Variants in FANK1 observed in about 807,000 individuals in gnomAD.
The protein encoded by FANK1 is fibronectin type III and ankyrin repeat domains 1.
In FANK1, 44 loss-of-function variants were observed where a neutral mutation model predicts 45.3. The ratio of observed to expected loss-of-function variants is 0.97; its 90% CI spans 0.76 to 1.25. FANK1 has a LOEUF of 1.25. Ranked by LOEUF, FANK1 falls within the 50% of genes most tolerant of loss-of-function variation. The pLI is 0.00. For missense variants in FANK1, 391 were observed against 424.4 expected, an observed-to-expected ratio of 0.92 and a Z score of 0.69; for synonymous variants, 149 against 152.5, an observed-to-expected ratio of 0.98 and a Z score of 0.17.
intron 1 of FANK1, among the ~76,000 whole-genome samples, chr10:125,954,253 G>T (rs1949434949): frequency 1.3e-5 from 2 of 152,152 alleles, no homozygotes; most frequent in African/African-American, 2.4e-5. Context: ...GGACCAGTGG[G>T]AAAGTTGTTT....
chr10:125,992,651 T>G (rs2134215379), intron 3 of FANK1, among the ~76,000 whole-genome samples: 1 of 152,254 alleles, frequency 6.6e-6, no homozygotes, highest in South Asian at 2.1e-4. Context: ...TGCAGTGAAC[T>G]TGTTTCATTT....
At chr10:125,990,027 T>C (rs1031355150) in intron 3 of FANK1, among the ~76,000 whole-genome samples, 2 of 152,302 alleles carry the variant, frequency 1.3e-5, no homozygotes, top group Middle Eastern at 3.4e-3. Context: ...ACTCACTTCA[T>C]TGCTGTGCTC....
At position 125,972,707 on chromosome 10, in the gene FANK1, AG is replaced by A. The variant is rs1950593509; in HGVS notation, c.14-7452del. 3.9e-5 allele frequency: 6 copies of A among 152,304 alleles called. No homozygotes were observed. The South Asian group carries it at 1.2e-3, about 32-fold the overall frequency. The allele number at this position is 152,304 out of a possible 1,614,324, so 9.4% of individuals were successfully genotyped here. On this transcript the variant is annotated intron_variant, in intron 1 of 10. Transcript: ENST00000368693. ...TTTTGTATGAAAGTAAAGAAGATGC[AG>A]GAACATTATCAGTGGGGCGTACACT...
chr10:125,979,768 A>G, intron 1 of FANK1: 2 of 457,960 alleles, frequency 4.4e-6, no homozygotes, highest in Middle Eastern at 3.2e-4. Context: ...TTTGTCATCT[A>G]TGTTCCACAT....
chr10:125,972,379 C>T (rs1034882700), intron 1 of FANK1: 2 of 151,936 alleles, frequency 1.3e-5, no homozygotes, highest in African/African-American at 4.8e-5. Flanking sequence ...AAACCAATAT[C>T]CTAAAATATG....
chr10:125,940,907 T>A (rs1234454229), intron 1 of FANK1, among the ~76,000 whole-genome samples: 2 of 152,244 alleles, frequency 1.3e-5, no homozygotes, highest in African/African-American at 4.8e-5. Flanking sequence ...CCCTTAAACC[T>A]TGATTCCACA....
rs138965130 is a variant in FANK1 at position 125,991,358 on chromosome 10, A to G, written c.316+2683A>G. Among the ~76,000 whole-genome samples the G allele has an allele frequency of 9.2e-3, 1,400 of 152,048 alleles. 20 individuals are homozygous for G. The highest frequency in any genetic ancestry group is 0.031 in the African/African-American group (1,301 of 41,450). On this transcript the variant is annotated intron_variant, in intron 3 of 10. Coordinates refer to ENST00000368693, the MANE Select transcript of FANK1 (RefSeq NM_145235.5). The stretch of plus-strand genomic sequence containing the variant: ...GCAGCCAGGAAGCCTTCTCAACCTC[A>G]GGGGGGCTGTACTGGGTGGTGAGGA...
intron 1 of FANK1, among the ~76,000 whole-genome samples, chr10:125,924,495 A>T (rs1489584145): frequency 1.3e-5 from 2 of 151,706 alleles, no homozygotes; most frequent in Non-Finnish European, 2.9e-5. Context: ...CTCGTGATCC[A>T]CCTGCCTCGG....
intron 1 of FANK1, among the ~76,000 whole-genome samples, chr10:125,975,536 CT>C (rs1204927672): frequency 6.6e-6 from 1 of 152,148 alleles, no homozygotes; most frequent in African/African-American, 2.4e-5. Context: ...GCCATTCTGA[CT>C]GGTGTGAGAT....
intron 1 of FANK1, among the ~76,000 whole-genome samples, chr10:125,947,508 A>G (rs1589986033): frequency 1.3e-5 from 2 of 150,310 alleles, no homozygotes; most frequent in African/African-American, 4.9e-5. Context: ...AGATCAAAAG[A>G]GACAAAGAAG....
At chr10:125,902,825 A>G (rs577636360) in intron 1 of FANK1, among the ~76,000 whole-genome samples, 120 of 152,414 alleles carry the variant, frequency 7.9e-4, no homozygotes, top group African/African-American at 2.7e-3. Context: ...CCTTAAGCCC[A>G]GGAATCATTT....
At chr10:125,987,118 G>A (rs1564947371) in intron 2 of FANK1, among the ~76,000 whole-genome samples, 1 of 152,018 alleles carries the variant, frequency 6.6e-6, no homozygotes, top group Non-Finnish European at 1.5e-5. Flanking sequence ...CTTCTTCACT[G>A]TCCTTGACTG....
chr10:125,991,681 T>A (rs1238080972), intron 3 of FANK1, among the ~76,000 whole-genome samples: 1 of 152,170 alleles, frequency 6.6e-6, no homozygotes, highest in Non-Finnish European at 1.5e-5. Context: ...CTTGCTTAAA[T>A]GAGGCTTACA....
At chr10:125,995,305 T>C (rs966818805) in intron 3 of FANK1, 112 bp from the exon 4 acceptor site, 4 of 901,034 alleles carry the variant, frequency 4.4e-6, no homozygotes, top group Middle Eastern at 2.6e-4. Context: ...TTAACAGGAA[T>C]AGCCAAGCGC....
In FANK1 at chr10:125,980,096, A is replaced by T. The variant is rs185934187; in HGVS notation, c.14-65A>T. The T allele has an allele frequency of 2.8e-4, 425 of 1,532,452 alleles. 5 individuals are homozygous for T. In the East Asian group the frequency reaches 8.6e-3, roughly 31 times the overall value. The allele number at this position is 1,532,452 out of a possible 1,614,324, so 94.9% of individuals were successfully genotyped here. On this transcript the variant is annotated intron_variant, in intron 1 of 10. Transcript: ENST00000368693. ...CTCGATCACCAAGCAGCTGTAATCC[A>T]CTCGACTGGTCTCTCTTCCTTATGG... is the stretch of plus-strand genomic sequence containing the variant.
chr10:125,987,144 C>CACT (rs1951616790), intron 2 of FANK1, among the ~76,000 whole-genome samples: 3 of 152,088 alleles, frequency 2.0e-5, no homozygotes, highest in African/African-American at 7.2e-5. Context: ...TTTCTTGGAC[C>CACT]CCATCAGTAG....
At chr10:125,956,213 C>CG (rs1238830760) in intron 1 of FANK1, among the ~76,000 whole-genome samples, 1 of 38,272 alleles carries the variant, frequency 2.6e-5, no homozygotes, top group African/African-American at 1.0e-4. Flanking sequence ...GGGGGGGGGG[C>CG]GGTGGTGGGG....
At chr10:125,937,753 A>G (rs958696945) in intron 1 of FANK1, among the ~76,000 whole-genome samples, 1 of 152,186 alleles carries the variant, frequency 6.6e-6, no homozygotes, top group South Asian at 2.1e-4. Flanking sequence ...GGTTTTGCAA[A>G]AAATAAGCAA....
intron 1 of FANK1, among the ~76,000 whole-genome samples, chr10:125,900,616 C>T (rs780275033): frequency 1.3e-5 from 2 of 150,780 alleles, no homozygotes; most frequent in South Asian, 2.1e-4. Context: ...TTCTGCTACA[C>T]GTTTCTTTCT....
Sources: allele counts gnomAD v4.1 joint callset (sites outside exome capture counted in the v4.1 genomes callset), GRCh38; gene constraint gnomAD v4.1.1; transcripts MANE v1.5; gene names NCBI Gene and HGNC (gene_info 2026-07-23, HGNC 2026-07-21).